Variants in DCN observed in about 807,000 individuals in gnomAD.
DCN encodes the protein decorin.
Under a neutral mutation model 36.5 loss-of-function variants are expected in DCN, and 17 were observed. The ratio of observed to expected loss-of-function variants is 0.47; its 90% CI spans 0.32 to 0.70. The LOEUF (loss-of-function observed/expected upper bound fraction) is 0.70. DCN is among the 30% of genes least tolerant of loss of function. The pLI, the probability that DCN is intolerant of heterozygous loss-of-function variation, is 0.04. For synonymous variants in DCN, 163 were observed against 161.4 expected (o/e 1.01, Z -0.07); for missense variants, 389 against 430.1 (o/e 0.90, Z 0.84).
At chr12:91,164,381 A>T (rs1265619336) in intron 3 of DCN, among the ~76,000 whole-genome samples, 2 of 143,830 alleles carry the variant, frequency 1.4e-5, no homozygotes, top group African/African-American at 2.6e-5. Flanking sequence ...AAAAAATTAA[A>T]AAAAAAAGAA....
chr12:91,181,131 C>T (rs975773934), intron 1 of DCN, among the ~76,000 whole-genome samples: 1 of 148,932 alleles, frequency 6.7e-6, no homozygotes, highest in Non-Finnish European at 1.5e-5. Flanking sequence ...TTTTCATTTG[C>T]TCGTGTGTGT....
chr12:91,172,248 G>T (rs1449983978), intron 2 of DCN: 1 of 152,608 alleles, frequency 6.6e-6, no homozygotes, highest in Admixed American at 6.5e-5. Context: ...GTTGGACAAA[G>T]GCCAGGTTGT....
At chr12:91,177,466 T>C (rs1228135155) in intron 2 of DCN, 3 of 648,020 alleles carry the variant, frequency 4.6e-6, no homozygotes, top group Admixed American at 2.7e-5. Flanking sequence ...TTTTTTCTTT[T>C]CATCTCCAGT....
At chr12:91,178,703 T>G in intron 1 of DCN, 118 bp from the exon 2 acceptor site, 1 of 706,954 alleles carries the variant, frequency 1.4e-6, no homozygotes, top group Non-Finnish European at 2.5e-6. Flanking sequence ...ATATTTCATT[T>G]GTTATCAGGA....
chr12:91,182,457 A>G (rs1868441020), intron 1 of DCN, 198 bp downstream of exon 1: 1 of 152,116 alleles, frequency 6.6e-6, no homozygotes, highest in Admixed American at 6.6e-5. Flanking sequence ...AAATAAAACA[A>G]TGCATTCAAT....
intron 2 of DCN, chr12:91,175,678 C>T (rs557747858): frequency 6.6e-6 from 1 of 152,222 alleles, no homozygotes; most frequent in Admixed American, 6.5e-5. Context: ...CAAGGATAAT[C>T]CACCAAGGAT....
intron 2 of DCN, chr12:91,176,742 T>C (rs1442269438): frequency 1.3e-5 from 2 of 152,194 alleles, no homozygotes; most frequent in Non-Finnish European, 2.9e-5. Context: ...GCGAGAGTAA[T>C]AATAAATTCT....
intron 6 of DCN, 117 bp downstream of exon 6, chr12:91,152,979 A>G: frequency 5.8e-6 from 4 of 693,888 alleles, no homozygotes; most frequent in Middle Eastern, 2.7e-4. Flanking sequence ...AGAAACAACA[A>G]CAGCAGTGAA....
intron 3 of DCN, among the ~76,000 whole-genome samples, chr12:91,161,980 A>G (rs3138234): frequency 0.061 from 9,066 of 148,768 alleles, 921 homozygotes; most frequent in African/African-American, 0.21. Context: ...TCACTCTGTC[A>G]CCAGGGCTGC....
rs1427937101 is a variant in DCN, at chr12:91,144,003, A to G, written c.*2055T>C. Reference sequence around the variant, plus strand: ...CTTGACTACTGGAAAAGTGTGTTGGATCTGCCTTGCAGATAAGTGTCCAAA... The same window carrying G: ...CTTGACTACTGGAAAAGTGTGTTGGGTCTGCCTTGCAGATAAGTGTCCAAA... On this transcript the variant is annotated 3_prime_UTR_variant, in exon 8 of 8. Coordinates refer to ENST00000052754, the MANE Select transcript of DCN (RefSeq NM_001920.5). The G allele has an allele frequency of 6.6e-6, 1 of 151,992 alleles. No individual in the cohort carries two copies. Among genetic ancestry groups the G allele is most frequent in the Non-Finnish European group, 1.5e-5 (1 of 67,972 alleles). The allele number at this position is 151,992 out of a possible 1,614,324, so 9.4% of individuals were successfully genotyped here.
intron 1 of DCN, chr12:91,180,289 A>T (rs1156694912): frequency 7.9e-6 from 1 of 126,712 alleles, no homozygotes; most frequent in Non-Finnish European, 1.6e-5. Context: ...TATTAAAAAA[A>T]AGAAGAAAGA....
In DCN at chr12:91,144,257, A is replaced by G. The variant is rs1163308807; in HGVS notation, c.*1801T>C. ...TTCAAGGTTACAATAAGAAGGGTGA[A>G]TCGTTAAAGGCTATAGCATGAAGGG... On this transcript the variant is annotated 3_prime_UTR_variant, in exon 8 of 8. Transcript: ENST00000052754. 2.0e-5 allele frequency: 3 copies of G among 152,228 alleles called. No homozygotes were observed. Among genetic ancestry groups the G allele is most frequent in the Non-Finnish European group, 2.9e-5 (2 of 68,044 alleles). 9.4% of individuals were successfully genotyped at this position (152,228 alleles called of 1,614,324 possible). A position where few individuals can be genotyped will look rare whatever the true frequency, so the allele number is the denominator to read the frequency against.
intron 7 of DCN, chr12:91,150,843 C>T (rs1881358537): frequency 6.6e-6 from 1 of 152,042 alleles, no homozygotes; most frequent in Admixed American, 6.5e-5. Context: ...GGAACCAATC[C>T]AAATGCACAT....
chr12:91,140,782 G>C lies in DCN; in HGVS notation c.*5276C>G, dbSNP rs1880732089. 6.6e-6 allele frequency: 1 copy of C among 152,170 alleles called. No individual in the cohort carries two copies. The highest frequency in any genetic ancestry group is 2.4e-5 in the African/African-American group (1 of 41,456). The allele number at this position is 152,170 out of a possible 1,614,324, so 9.4% of individuals were successfully genotyped here. On this transcript the variant is annotated 3_prime_UTR_variant, in exon 8 of 8. Transcript: ENST00000052754. ...CTCAAAAAGAACAGATTCAAAACCA[G>C]ATATTTGATTCTCAGTTCTTCCAGC...
In DCN at chr12:91,144,759, T is replaced by G. The variant is rs1880912469; in HGVS notation, c.*1299A>C. 6.6e-6 allele frequency: 1 copy of G among 152,094 alleles called. No homozygotes were observed. The highest frequency in any genetic ancestry group is 1.5e-5 in the Non-Finnish European group (1 of 68,014). The allele number at this position is 152,094 out of a possible 1,614,324, so 9.4% of individuals were successfully genotyped here. A position where few individuals can be genotyped will look rare whatever the true frequency, so the allele number is the denominator to read the frequency against. ...AATCTTGCTCTTGAACTATTATGCA[T>G]CTATGGAAACCCACCTCAACTGTTA... On this transcript the variant is annotated 3_prime_UTR_variant, in exon 8 of 8. Transcript: ENST00000052754.
Position 91,142,885 on chromosome 12 carries a change from ATTAAG to A in DCN, c.*3168_*3172del, listed in dbSNP as rs1880796703. On this transcript the variant is annotated 3_prime_UTR_variant, in exon 8 of 8. Transcript: ENST00000052754. ...GGAAAAAAGAAAGTGGATATTAATG[ATTAAG>A]TTGTGTCTCCTCCCAGAAGATATGT... 6.6e-6 allele frequency: 1 copy of A among 152,330 alleles called. No homozygotes were observed. The highest frequency in any genetic ancestry group is 3.4e-3 in the Middle Eastern group (1 of 294). 9.4% of individuals were successfully genotyped at this position (152,330 alleles called of 1,614,324 possible).
Position 91,144,315 on chromosome 12 carries a change from T to A in DCN, c.*1743A>T, listed in dbSNP as rs1880888993. On this transcript the variant is annotated 3_prime_UTR_variant, in exon 8 of 8. Coordinates refer to ENST00000052754, the MANE Select transcript of DCN (RefSeq NM_001920.5). ...TTCATGGTTACAACAGAGAGAAGGA[T>A]GCATCATTCAAGGTCCAGCTCTGAA... 2 of 152,134 alleles carry A rather than the reference T, an allele frequency of 1.3e-5. No homozygotes were observed. Among genetic ancestry groups the A allele is most frequent in the African/African-American group, 4.8e-5 (2 of 41,422 alleles). The allele number at this position is 152,134 out of a possible 1,614,324, so 9.4% of individuals were successfully genotyped here. A position where few individuals can be genotyped will look rare whatever the true frequency, so the allele number is the denominator to read the frequency against.
chr12:91,152,218 A>G (rs116110212), intron 6 of DCN, among the ~76,000 whole-genome samples: 2,578 of 152,256 alleles, frequency 0.017, 68 homozygotes, highest in African/African-American at 0.058. Flanking sequence ...TGTGAGGGAC[A>G]GAGGTCTCAT....
chr12:91,175,285 C>T (rs550938298), intron 2 of DCN: 2 of 151,336 alleles, frequency 1.3e-5, no homozygotes, highest in East Asian at 3.9e-4. Context: ...AATGAAACAA[C>T]TTGGCCAATA....
Sources: gnomAD v4.1 joint callset for allele counts (sites outside exome capture counted in the v4.1 genomes callset) on GRCh38, gnomAD v4.1.1 for gene constraint, MANE v1.5 for transcripts, NCBI Gene and HGNC (gene_info 2026-07-23, HGNC 2026-07-21) for gene names.